PLCB1: variants seen among roughly 807,000 people sequenced by gnomAD.
The protein encoded by PLCB1 is 1-phosphatidylinositol 4,5-bisphosphate phosphodiesterase beta-1.
Under a neutral mutation model 161.8 loss-of-function variants are expected in PLCB1, and 46 were observed. The observed-to-expected ratio is 0.28, with a 90% CI of 0.22 to 0.36. The LOEUF (loss-of-function observed/expected upper bound fraction) is 0.36, where lower values mean the gene tolerates loss of function less well. PLCB1 is among the 10% of genes least tolerant of loss of function. The pLI, the probability that PLCB1 is intolerant of heterozygous loss-of-function variation, is 1.00. For synonymous variants in PLCB1, 517 were observed against 503.7 expected, an observed-to-expected ratio of 1.03 and a Z score of -0.35; for missense variants, 1,016 against 1,472.5, an observed-to-expected ratio of 0.69 and a Z score of 5.07.
At chr20:8,670,645 C>T (rs552380173) in intron 9 of PLCB1, among the ~76,000 whole-genome samples, 1 of 152,258 alleles carries the variant, frequency 6.6e-6, no homozygotes, top group Admixed American at 6.5e-5. Flanking sequence ...AACATACTGA[C>T]TCCAGATTTA....
Position 8,237,826 on chromosome 20 carries a change from T to G in PLCB1, c.177+87455T>G, listed in dbSNP as rs116632993. Among the ~76,000 whole-genome samples, 1,102 of 152,188 alleles carry G rather than the reference T, an allele frequency of 7.2e-3. 15 individuals are homozygous for G. The highest frequency in any genetic ancestry group is 0.025 in the African/African-American group (1,032 of 41,558). On this transcript the variant is annotated intron_variant, in intron 2 of 31. Coordinates refer to ENST00000338037, the MANE Select transcript of PLCB1 (RefSeq NM_015192.4). ...GGATCCCAGTTTTAACAGTCATACC[T>G]CTGCAAAAATTGTCTTTTTCTTTGC...
At chr20:8,843,715 T>A (rs1276493770) in intron 31 of PLCB1, among the ~76,000 whole-genome samples, 2 of 152,218 alleles carry the variant, frequency 1.3e-5, no homozygotes, top group African/African-American at 4.8e-5. Flanking sequence ...AACAAATCTT[T>A]GCCCTCCATA....
intron 31 of PLCB1, among the ~76,000 whole-genome samples, chr20:8,836,634 G>C (rs1986295581): frequency 6.7e-6 from 1 of 149,624 alleles, no homozygotes; most frequent in Non-Finnish European, 1.5e-5. Flanking sequence ...AGTCCGTGGT[G>C]TACTCTGTCA....
intron 2 of PLCB1, among the ~76,000 whole-genome samples, chr20:8,187,710 T>C (rs1220989520): frequency 2.6e-5 from 4 of 152,084 alleles, no homozygotes; most frequent in Non-Finnish European, 4.4e-5. Flanking sequence ...CACACGGATA[T>C]TATGAATGAT....
At chr20:8,677,667 G>C (rs1316735071) in intron 9 of PLCB1, among the ~76,000 whole-genome samples, 1 of 152,050 alleles carries the variant, frequency 6.6e-6, no homozygotes, top group Non-Finnish European at 1.5e-5. Flanking sequence ...TTTTAGGATG[G>C]TGAATCACAA....
chr20:8,531,397 T>C (rs749782060), intron 3 of PLCB1, among the ~76,000 whole-genome samples: 1 of 152,110 alleles, frequency 6.6e-6, no homozygotes, highest in Non-Finnish European at 1.5e-5. Context: ...TACATTTACT[T>C]TTTGAACAAA....
At chr20:8,513,342 G>T (rs1983971921) in intron 3 of PLCB1, among the ~76,000 whole-genome samples, 1 of 152,198 alleles carries the variant, frequency 6.6e-6, no homozygotes, top group South Asian at 2.1e-4. Flanking sequence ...ATGCAGTAAT[G>T]AAGGGCACAC....
At chr20:8,225,933 C>T (rs760130211) in intron 2 of PLCB1, among the ~76,000 whole-genome samples, 2 of 152,192 alleles carry the variant, frequency 1.3e-5, no homozygotes, top group South Asian at 4.1e-4. Flanking sequence ...AGTCTTTTCA[C>T]GTTTAAAACT....
rs533455340 is a variant in PLCB1, at chr20:8,513,680, C to T, written c.247-114614C>T. 5.9e-5 allele frequency among the ~76,000 whole-genome samples: 9 copies of T among 152,166 alleles called. No homozygotes were observed. The East Asian group carries it at 1.7e-3, about 29-fold the overall frequency. On this transcript the variant is annotated intron_variant, in intron 3 of 31. Coordinates refer to ENST00000338037, the MANE Select transcript of PLCB1 (RefSeq NM_015192.4). ...ACTGCATGAGGATAGGACAAACATG[C>T]TTTCAGTGAAATGATAAAACGCTAC...
At chr20:8,465,143 A>G (rs1600088679) in intron 3 of PLCB1, among the ~76,000 whole-genome samples, 1 of 151,852 alleles carries the variant, frequency 6.6e-6, no homozygotes, top group Non-Finnish European at 1.5e-5. Flanking sequence ...TTGACTTGTT[A>G]TTTTATATAT....
intron 2 of PLCB1, among the ~76,000 whole-genome samples, chr20:8,281,823 A>T (rs2123285314): frequency 6.6e-6 from 1 of 152,268 alleles, no homozygotes; most frequent in Admixed American, 6.5e-5. Flanking sequence ...TACTACAACA[A>T]CAGGGATTGT....
chr20:8,392,017 A>G (rs970647297), intron 3 of PLCB1, among the ~76,000 whole-genome samples: 1 of 151,860 alleles, frequency 6.6e-6, no homozygotes, highest in Non-Finnish European at 1.5e-5. Context: ...TTTCAGCTTT[A>G]GGACTCATAA....
At chr20:8,748,095 C>A (rs1369954642) in intron 23 of PLCB1, among the ~76,000 whole-genome samples, 2 of 152,134 alleles carry the variant, frequency 1.3e-5, no homozygotes, top group Non-Finnish European at 2.9e-5. Context: ...AATAAATTTG[C>A]AAGATATTAA....
At chr20:8,316,948 C>T (rs1266112826) in intron 2 of PLCB1, among the ~76,000 whole-genome samples, 1 of 124,148 alleles carries the variant, frequency 8.1e-6, no homozygotes, top group Non-Finnish European at 1.7e-5. Context: ...TCTGTCTATA[C>T]CCACCCCCGG....
intron 1 of PLCB1, among the ~76,000 whole-genome samples, chr20:8,149,122 A>C (rs1169732944): frequency 1.3e-5 from 2 of 152,246 alleles, no homozygotes; most frequent in Admixed American, 1.3e-4. Flanking sequence ...ACTTACATTT[A>C]GTATTTTGAT....
chr20:8,177,106 T>C (rs115406574), intron 2 of PLCB1, among the ~76,000 whole-genome samples: 1,795 of 152,214 alleles, frequency 0.012, 37 homozygotes, highest in African/African-American at 0.039. Flanking sequence ...AACTCTTATG[T>C]TTTTGTCCCC....
In PLCB1 at chr20:8,153,839, G is replaced by T. The variant is rs535831570; in HGVS notation, c.177+3468G>T. Among the ~76,000 whole-genome samples the T allele has an allele frequency of 7.2e-5, 11 of 152,208 alleles. No individual in the cohort carries two copies. In the East Asian group the frequency reaches 2.1e-3, roughly 29 times the overall value. On this transcript the variant is annotated intron_variant, in intron 2 of 31. Coordinates refer to ENST00000338037, the MANE Select transcript of PLCB1 (RefSeq NM_015192.4). Reference sequence around the variant, plus strand: ...CACATCATTAAATTTGAAAAGGAATGGGAGGAAGAACACACGGTTTGCATG... The same window carrying T: ...CACATCATTAAATTTGAAAAGGAATTGGAGGAAGAACACACGGTTTGCATG...
intron 3 of PLCB1, among the ~76,000 whole-genome samples, chr20:8,394,711 A>G (rs1421851211): frequency 6.6e-6 from 1 of 152,190 alleles, no homozygotes; most frequent in Non-Finnish European, 1.5e-5. Flanking sequence ...ATTAGTGCAT[A>G]TGTTTAATAG....
intron 3 of PLCB1, among the ~76,000 whole-genome samples, chr20:8,432,998 G>T (rs188153886): frequency 4.6e-5 from 7 of 152,276 alleles, no homozygotes; most frequent in Admixed American, 3.9e-4. Flanking sequence ...TATCAGTCCT[G>T]GCTGGAGCCA....
Sources: allele counts gnomAD v4.1 joint callset (sites outside exome capture counted in the v4.1 genomes callset), GRCh38; gene constraint gnomAD v4.1.1; transcripts MANE v1.5; gene names NCBI Gene and HGNC (gene_info 2026-07-23, HGNC 2026-07-21).